OSBPL9: variants seen among roughly 807,000 people sequenced by gnomAD.
OSBPL9 encodes oxysterol binding protein like 9, also known as oxysterol-binding protein-related protein 9.
In OSBPL9, 40 loss-of-function variants were observed where a neutral mutation model predicts 106.6. That is an observed-to-expected ratio of 0.38 (90% confidence interval 0.29 to 0.49). The LOEUF is 0.49. OSBPL9 is among the 20% of genes least tolerant of loss of function. OSBPL9 has a pLI of 0.97. For missense variants in OSBPL9, 609 were observed against 887.2 expected (o/e 0.69, Z 3.98); for synonymous variants, 269 against 295.4 (o/e 0.91, Z 0.92).
chr1:51,760,282 C>A, intron 9 of OSBPL9: 1 of 191,932 alleles, frequency 5.2e-6, no homozygotes. Flanking sequence ...AAGATGAGAT[C>A]CTAGTGGTGC....
the OSBPL9 span, among the ~76,000 whole-genome samples, chr1:51,568,319 C>G: frequency 2.0e-5 from 3 of 152,188 alleles, no homozygotes; most frequent in South Asian, 6.2e-4. Flanking sequence ...TACTATCCCC[C>G]ACTTTTAGCT....
Position 51,787,827 on chromosome 1 carries a change from AG to A in OSBPL9, c.*39del. On this transcript the variant is annotated 3_prime_UTR_variant, in exon 24 of 24. Transcript: ENST00000428468. The stretch of plus-strand genomic sequence containing the variant: ...AAAGTTTATACCTGATGATCAGGGC[AG>A]TAGGCATAATTCAGCAACAAACAAT... 2 of 1,527,694 alleles carry A rather than the reference AG, an allele frequency of 1.3e-6. No individual in the cohort carries two copies. Among genetic ancestry groups the A allele is most frequent in the Non-Finnish European group, 1.8e-6 (2 of 1,103,184 alleles). The allele number at this position is 1,527,694 out of a possible 1,614,324, so 94.6% of individuals were successfully genotyped here. A position where few individuals can be genotyped will look rare whatever the true frequency, so the allele number is the denominator to read the frequency against.
chr1:51,785,785 C>A (rs759203827), intron 20 of OSBPL9, 23 bp from the exon 21 acceptor site: 2 of 1,604,370 alleles, frequency 1.2e-6, no homozygotes, highest in South Asian at 1.1e-5. Context: ...GAGACTAACA[C>A]AAGTATTTCC....
intron 11 of OSBPL9, among the ~76,000 whole-genome samples, chr1:51,764,155 A>G (rs950637249): frequency 3.3e-5 from 5 of 152,230 alleles, no homozygotes; most frequent in African/African-American, 1.2e-4. Context: ...CAAAAAAGAA[A>G]TAAAGGAATA....
intron 8 of OSBPL9, chr1:51,752,438 G>A (rs1008896139): frequency 8.8e-5 from 38 of 433,346 alleles, no homozygotes; most frequent in Non-Finnish European, 9.8e-5. Flanking sequence ...TCGTGGCCTC[G>A]TATCACTAGT....
the OSBPL9 span, among the ~76,000 whole-genome samples, chr1:51,552,166 T>G: frequency 6.6e-6 from 1 of 152,206 alleles, no homozygotes; most frequent in Admixed American, 6.5e-5. Flanking sequence ...ATGAGCGATC[T>G]GAGGTTCAGA....
intron 2 of OSBPL9, among the ~76,000 whole-genome samples, chr1:51,652,924 C>G (rs1646606114): frequency 6.6e-6 from 1 of 152,196 alleles, no homozygotes; most frequent in South Asian, 2.1e-4. Context: ...CTTCAGGACC[C>G]TGTTGACTTC....
the OSBPL9 span, among the ~76,000 whole-genome samples, chr1:51,564,052 C>CAAAAAAAAAAAAAAAA: frequency 0.013 from 347 of 27,096 alleles, 24 homozygotes; most frequent in Non-Finnish European, 0.015. Context: ...GAGATCATCT[C>CAAAAAAAAAAAAAAAA]AAAAAAAAAA....
chr1:51,607,952 A>G (rs1643960317), intron 2 of OSBPL9, among the ~76,000 whole-genome samples: 1 of 152,230 alleles, frequency 6.6e-6, no homozygotes, highest in Non-Finnish European at 1.5e-5. Context: ...ATACATTGGC[A>G]TGGTTCCAGG....
rs551128633 is a variant in OSBPL9, at chr1:51,611,349, C to T, written c.-352-2956C>T. 7.2e-5 allele frequency among the ~76,000 whole-genome samples: 11 copies of T among 152,054 alleles called. No individual in the cohort carries two copies. The East Asian group carries it at 1.9e-3, about 27-fold the overall frequency. On this transcript the variant is annotated intron_variant, in intron 2 of 25. Coordinates refer to the OSBPL9 transcript ENST00000371714. ...TCCTCTACACCCAGCAAAGGACAGT[C>T]AATGTCTTGTAGGTTTCTGTGTTTT...
the OSBPL9 span, among the ~76,000 whole-genome samples, chr1:51,548,049 T>C: frequency 4.6e-5 from 7 of 151,974 alleles, no homozygotes; most frequent in East Asian, 1.3e-3. Context: ...ATTTCTACAC[T>C]GAATACCTAT....
chr1:51,771,972 T>TAACC, intron 12 of OSBPL9, 98 bp from the exon 13 acceptor site: 1 of 773,294 alleles, frequency 1.3e-6, no homozygotes, highest in Non-Finnish European at 2.1e-6. Flanking sequence ...CTAAAGCATA[T>TAACC]ATATGCATGC....
chr1:51,645,033 G>A (rs922556698), intron 1 of OSBPL9, among the ~76,000 whole-genome samples: 2 of 152,116 alleles, frequency 1.3e-5, no homozygotes, highest in East Asian at 1.9e-4. Flanking sequence ...ACAGATCAAC[G>A]CCATCACAAA....
chr1:51,761,992 T>C, intron 11 of OSBPL9, 21 bp downstream of exon 11: 1 of 1,513,224 alleles, frequency 6.6e-7, no homozygotes, highest in East Asian at 2.3e-5. Flanking sequence ...GCATAATTTC[T>C]TTATGTCTCA....
intron 12 of OSBPL9, 97 bp from the exon 13 acceptor site, chr1:51,771,973 A>G (rs1483618061): frequency 1.3e-6 from 1 of 772,880 alleles, no homozygotes; most frequent in African/African-American, 1.8e-5. Flanking sequence ...TAAAGCATAT[A>G]TATGCATGCA....
At chr1:51,748,550 A>C in intron 7 of OSBPL9, 152 bp downstream of exon 7, 1 of 828,806 alleles carries the variant, frequency 1.2e-6, no homozygotes, top group Non-Finnish European at 1.6e-6. Flanking sequence ...ATTTTTTTTT[A>C]AAGGAATTTA....
At chr1:51,559,436 T>C in the OSBPL9 span, among the ~76,000 whole-genome samples, 6 of 122,052 alleles carry the variant, frequency 4.9e-5, no homozygotes, top group East Asian at 2.0e-4. Context: ...GACACACACA[T>C]ACATACACAC....
chr1:51,760,558 C>G, intron 9 of OSBPL9, 132 bp from the exon 10 acceptor site: 1 of 1,328,912 alleles, frequency 7.5e-7, no homozygotes, highest in Non-Finnish European at 1.0e-6. Flanking sequence ...GTTTCATTCC[C>G]TCTTTTCATT....
At chr1:51,671,485 G>A (rs1189968210) in intron 3 of OSBPL9, among the ~76,000 whole-genome samples, 1 of 152,120 alleles carries the variant, frequency 6.6e-6, no homozygotes, top group Non-Finnish European at 1.5e-5. Flanking sequence ...GAAAGCTAGA[G>A]TTTGTTCAGA....
Sources: allele counts gnomAD v4.1 joint callset (sites outside exome capture counted in the v4.1 genomes callset), GRCh38; gene constraint gnomAD v4.1.1; transcripts MANE v1.5; gene names NCBI Gene and HGNC (gene_info 2026-07-23, HGNC 2026-07-21).